Variants in FUBP3 observed in about 807,000 individuals in gnomAD.
The protein encoded by FUBP3 is far upstream element binding protein 3, also known as far upstream element-binding protein 3.
Under a neutral mutation model 85.6 loss-of-function variants are expected in FUBP3, and 28 were observed. The ratio of observed to expected loss-of-function variants is 0.33; its 90% CI spans 0.24 to 0.45. The LOEUF (loss-of-function observed/expected upper bound fraction) is 0.45, where lower values mean the gene tolerates loss of function less well. Among genes scored for constraint, FUBP3 ranks in the 20% least tolerant of loss-of-function variants. FUBP3 has a pLI of 1.00. For synonymous variants in FUBP3, 271 were observed against 271.4 expected, an observed-to-expected ratio of 1.00 and a Z score of 0.01; for missense variants, 583 against 755.1, an observed-to-expected ratio of 0.77 and a Z score of 2.67.
rs768934896 is a variant in FUBP3, at chr9:130,626,458, T to A, written c.1070T>A (p.Ile357Lys). 1 of 1,614,068 alleles carries A rather than the reference T, an allele frequency of 6.2e-7. No homozygotes were observed. The highest frequency in any genetic ancestry group is 8.5e-7 in the Non-Finnish European group (1 of 1,180,002). The change falls in exon 12 of 19, where the codon ATA becomes AAA. Residue 357 changes from isoleucine (I) to lysine (K), a missense_variant. Around this residue, in one of 3 missense-constraint regions of FUBP3, gnomAD observed 404 missense variants for 516.8 expected, o/e 0.78. Coordinates refer to ENST00000319725, the MANE Select transcript of FUBP3 (RefSeq NM_003934.2). Reference protein sequence around the residue: ...SVGAPGGVQEITYTVPADKCG... With the variant: ...SVGAPGGVQEKTYTVPADKCG... ...GGAGCCCCTGGTGGCGTCCAGGAGA[T>A]AACATACACGGTGCCAGCCGATAAG...
rs182806348 is a variant in FUBP3 at position 130,591,183 on chromosome 9, G to A, written c.85-4300G>A. Among the ~76,000 whole-genome samples the A allele has an allele frequency of 3.3e-4, 51 of 152,242 alleles. No homozygotes were observed. The East Asian group carries it at 3.5e-3, about 10-fold the overall frequency. ...AATAAGGCCGGGCACGGTGGCTCAC[G>A]CCTGTAATCCCAGCATTTTGGGAGG... On this transcript the variant is annotated intron_variant, in intron 1 of 18. Transcript: ENST00000319725.
rs1830450006 is a variant in FUBP3 at position 130,637,165 on chromosome 9, T to A, written c.*143T>A. 1.4e-6 allele frequency: 1 copy of A among 691,458 alleles called. No homozygotes were observed. Among genetic ancestry groups the A allele is most frequent in the Non-Finnish European group, 2.5e-6 (1 of 399,196 alleles). The allele number at this position is 691,458 out of a possible 1,614,324, so 42.8% of individuals were successfully genotyped here. A position where few individuals can be genotyped will look rare whatever the true frequency, so the allele number is the denominator to read the frequency against. ...AACACTATATTTAGATTAACGGAAT[T>A]TTTCTAAAAATCAGGAAAATTAGTT... is the stretch of plus-strand genomic sequence containing the variant. On this transcript the variant is annotated 3_prime_UTR_variant, in exon 19 of 19. Coordinates refer to ENST00000319725, the MANE Select transcript of FUBP3 (RefSeq NM_003934.2).
chr9:130,622,329 A>G (rs1389767911), intron 9 of FUBP3, among the ~76,000 whole-genome samples: 1 of 149,472 alleles, frequency 6.7e-6, no homozygotes, highest in African/African-American at 2.5e-5. Context: ...CCAAAAAAAA[A>G]AAAAAAAAAA....
At chr9:130,587,078 T>G (rs866934770) in intron 1 of FUBP3, among the ~76,000 whole-genome samples, 1,821 of 149,120 alleles carry the variant, frequency 0.012, 51 homozygotes, top group African/African-American at 0.043. Context: ...GTTTGTTTGT[T>G]TTTTTGAGAT....
chr9:130,586,664 C>T (rs1330789385), intron 1 of FUBP3, among the ~76,000 whole-genome samples: 1 of 152,086 alleles, frequency 6.6e-6, no homozygotes, highest in Non-Finnish European at 1.5e-5. Context: ...TGGACCCATG[C>T]CCTCTGCATT....
At chr9:130,598,749 T>C (rs981137132) in intron 2 of FUBP3, among the ~76,000 whole-genome samples, 16 of 152,236 alleles carry the variant, frequency 1.1e-4, no homozygotes, top group African/African-American at 3.9e-4. Context: ...AAACACTTTG[T>C]AAATACACAC....
Position 130,609,976 on chromosome 9 carries a change from G to A in FUBP3, c.213G>A (p.Leu71=), listed in dbSNP as rs201395134. Residue 71 remains leucine (L), a synonymous_variant, in exon 3 of 19, where the codon TTG becomes TTA. Coordinates refer to ENST00000319725, the MANE Select transcript of FUBP3 (RefSeq NM_003934.2). ...CAGTAGGTAACCAGTTAGGGGCCTT[G>A]GTACATCAAAGGTAAGCAGTGGGTT... is the stretch of plus-strand genomic sequence containing the variant. ...DDGVGNQLGA[L]VHQRTVITEE... is the part of the protein sequence containing the mutation. The A allele has an allele frequency of 1.9e-6, 3 of 1,608,630 alleles. No individual in the cohort carries two copies. The highest frequency in any genetic ancestry group is 2.6e-6 in the Non-Finnish European group (3 of 1,175,666).
rs573526178 is a variant in FUBP3 at position 130,579,648 on chromosome 9, T to TCGGCGGCGGCGG, written c.-30_-19dup. On this transcript the variant is annotated 5_prime_UTR_variant, in exon 1 of 19. Transcript: ENST00000319725. ...GAGCCGAGCGGCGGCGTCGGCGGCG[T>TCGGCGGCGGCGG]CGGCGGCGGCGGCGACGGCGGCGGG... 2.5e-6 allele frequency: 3 copies of TCGGCGGCGGCGG among 1,209,938 alleles called. No individual in the cohort carries two copies. Among genetic ancestry groups the TCGGCGGCGGCGG allele is most frequent in the Non-Finnish European group, 3.1e-6 (3 of 965,606 alleles). 75.0% of individuals were successfully genotyped at this position (1,209,938 alleles called of 1,614,324 possible). A position where few individuals can be genotyped will look rare whatever the true frequency, so the allele number is the denominator to read the frequency against.
At chr9:130,611,027 G>A (rs1023444448) in intron 3 of FUBP3, among the ~76,000 whole-genome samples, 5 of 152,060 alleles carry the variant, frequency 3.3e-5, no homozygotes, top group South Asian at 4.1e-4. Context: ...AGATTAGAAC[G>A]TTTTCTTCCT....
At chr9:130,631,440 CCTTA>C in intron 13 of FUBP3, 113 bp from the exon 14 acceptor site, 1 of 1,259,998 alleles carries the variant, frequency 7.9e-7, no homozygotes, top group South Asian at 1.4e-5. Flanking sequence ...GCGTAGGTGT[CCTTA>C]CTTCACTCGA....
In FUBP3 at chr9:130,595,311, A is replaced by G. The variant is rs138664180; in HGVS notation, c.85-172A>G. Among the ~76,000 whole-genome samples, 5 of 152,318 alleles carry G rather than the reference A, an allele frequency of 3.3e-5. No homozygotes were observed. In the East Asian group the frequency reaches 9.6e-4, roughly 29 times the overall value. On this transcript the variant is annotated intron_variant, in intron 1 of 18. Coordinates refer to ENST00000319725, the MANE Select transcript of FUBP3 (RefSeq NM_003934.2). The stretch of plus-strand genomic sequence containing the variant: ...TAAAGACAAGTTATTATTAAGACCA[A>G]AAGAAAACTCACTTAACAGTGAAAA...
chr9:130,584,024 G>A (rs1295574288), intron 1 of FUBP3, among the ~76,000 whole-genome samples: 1 of 152,024 alleles, frequency 6.6e-6, no homozygotes, highest in Admixed American at 6.6e-5. Flanking sequence ...GTGAGGCACC[G>A]TGCCCCCATG....
chr9:130,585,729 T>C (rs772526486), intron 1 of FUBP3, among the ~76,000 whole-genome samples: 7 of 152,232 alleles, frequency 4.6e-5, no homozygotes, highest in Non-Finnish European at 8.8e-5. Flanking sequence ...CCAAATCACA[T>C]TCTGTGCATC....
Position 130,631,521 on chromosome 9 carries a change from C to G in FUBP3, c.1279-36C>G, listed in dbSNP as rs145035996. The stretch of plus-strand genomic sequence containing the variant: ...TGGGCAGAGGAAAGAGGTGTGCAAC[C>G]AACAGCGGGTGAGAGCTCCCTCTGT... On this transcript the variant is annotated intron_variant, in intron 13 of 18. Transcript: ENST00000319725. 639 of 1,574,560 alleles carry G rather than the reference C, an allele frequency of 4.1e-4. 4 individuals carry two copies. In the African/African-American group the frequency reaches 7.0e-3, roughly 17 times the overall value.
At chr9:130,588,489 T>C (rs559916014) in intron 1 of FUBP3, among the ~76,000 whole-genome samples, 45 of 152,190 alleles carry the variant, frequency 3.0e-4, no homozygotes, top group Admixed American at 5.2e-4. Flanking sequence ...TATAAACTTA[T>C]GATCCATGTA....
rs568335995 is a variant in FUBP3 at position 130,588,035 on chromosome 9, G to T, written c.85-7448G>T. The stretch of plus-strand genomic sequence containing the variant: ...ATTGCAAGTAAGCAGGGCAGGATCA[G>T]CCGGGGCCCCATCTCTGATGACAAC... On this transcript the variant is annotated intron_variant, in intron 1 of 18. Transcript: ENST00000319725. 3.3e-5 allele frequency among the ~76,000 whole-genome samples: 5 copies of T among 152,304 alleles called. No individual in the cohort carries two copies. In the East Asian group the frequency reaches 9.6e-4, roughly 29 times the overall value.
At chr9:130,594,776 G>A (rs1830784067) in intron 1 of FUBP3, among the ~76,000 whole-genome samples, 1 of 151,688 alleles carries the variant, frequency 6.6e-6, no homozygotes, top group Non-Finnish European at 1.5e-5. Context: ...GAGCACATGA[G>A]GCCTTTCAAA....
intron 6 of FUBP3, among the ~76,000 whole-genome samples, chr9:130,615,062 GGTT>G (rs1831933386): frequency 6.6e-6 from 1 of 152,146 alleles, no homozygotes; most frequent in African/African-American, 2.4e-5. Context: ...CAATAGGTAG[GGTT>G]GTTTTATTGT....
intron 11 of FUBP3, among the ~76,000 whole-genome samples, chr9:130,624,641 GTGTGTGTGTGTT>G (rs1306773468): frequency 6.6e-6 from 1 of 151,156 alleles, no homozygotes; most frequent in Non-Finnish European, 1.5e-5. Flanking sequence ...GTGTGTGTGT[GTGTGTGTGTGTT>G]TTTAAGCTCA....
Sources: allele counts gnomAD v4.1 joint callset (sites outside exome capture counted in the v4.1 genomes callset), GRCh38; gene constraint gnomAD v4.1.1; regional missense constraint gnomAD v4.1.1; transcripts MANE v1.5; gene names NCBI Gene and HGNC (gene_info 2026-07-23, HGNC 2026-07-21).